PPP1R13B: variants seen among roughly 807,000 people sequenced by gnomAD.
PPP1R13B encodes apoptosis-stimulating of p53 protein 1.
A neutral mutation model predicts 119.8 loss-of-function variants in PPP1R13B; 44 were observed. That is an observed-to-expected ratio of 0.37 (90% CI 0.29 to 0.47). The LOEUF (loss-of-function observed/expected upper bound fraction) is 0.47, where lower values mean the gene tolerates loss of function less well. Ranked by LOEUF, PPP1R13B falls within the 20% of genes least tolerant of loss-of-function variation. PPP1R13B has a pLI of 0.99. For missense variants in PPP1R13B, 1,227 were observed against 1,413.5 expected, an observed-to-expected ratio of 0.87 and a Z score of 2.12; for synonymous variants, 542 against 561.5, an observed-to-expected ratio of 0.97 and a Z score of 0.49.
rs1336827024 is a variant in PPP1R13B at position 103,781,634 on chromosome 14, G to GC, written c.278-2814_278-2813insG. Among the ~76,000 whole-genome samples the GC allele has an allele frequency of 2.0e-5, 3 of 151,844 alleles. No homozygotes were observed. The East Asian group carries it at 5.8e-4, about 29-fold the overall frequency. ...ATCACTGTTAATTAACAAGTTAAAG[G>GC]TTTTTTTGTTTTGTTTTGTTTTTGT... On this transcript the variant is annotated intron_variant, in intron 3 of 16. Transcript: ENST00000202556.
chr14:103,799,239 C>T (rs1211120258), intron 1 of PPP1R13B, among the ~76,000 whole-genome samples: 1 of 151,988 alleles, frequency 6.6e-6, no homozygotes, highest in East Asian at 1.9e-4. Context: ...AGTGCAGTGG[C>T]GCAATCTCGG....
intron 9 of PPP1R13B, 126 bp downstream of exon 9, chr14:103,746,247 T>G (rs2084381587): frequency 1.9e-6 from 2 of 1,027,708 alleles, no homozygotes; most frequent in South Asian, 3.9e-5. Flanking sequence ...ACGGGGAGAC[T>G]GAGCCTGGAG....
At chr14:103,821,769 A>G (rs1271222231) in intron 1 of PPP1R13B, among the ~76,000 whole-genome samples, 1 of 151,702 alleles carries the variant, frequency 6.6e-6, no homozygotes, top group Non-Finnish European at 1.5e-5. Flanking sequence ...TAAATAAATA[A>G]AATAAATAAA....
intron 1 of PPP1R13B, among the ~76,000 whole-genome samples, chr14:103,822,296 G>C (rs770778715): frequency 2.6e-5 from 4 of 152,000 alleles, no homozygotes; most frequent in Non-Finnish European, 2.9e-5. Flanking sequence ...CACCACGCTA[G>C]GCTAATTTTT....
chr14:103,848,149 C>A (rs376765117), upstream of PPP1R13B: 1 of 786,096 alleles, frequency 1.3e-6, no homozygotes, highest in Non-Finnish European at 1.5e-6. Context: ...ACCTGCTTCT[C>A]CCCCACCGGC....
chr14:103,772,957 G>A (rs973002805), intron 4 of PPP1R13B, among the ~76,000 whole-genome samples: 2 of 152,136 alleles, frequency 1.3e-5, no homozygotes, highest in Non-Finnish European at 2.9e-5. Context: ...ATGAGCCATT[G>A]AGCTCGGCCT....
At chr14:103,789,448 T>C (rs2085559444) in intron 2 of PPP1R13B, among the ~76,000 whole-genome samples, 1 of 152,040 alleles carries the variant, frequency 6.6e-6, no homozygotes, top group African/African-American at 2.4e-5. Context: ...ACTCCTGACC[T>C]CAAGTGATCT....
chr14:103,766,616 T>C (rs2084944866), intron 4 of PPP1R13B, among the ~76,000 whole-genome samples: 1 of 152,188 alleles, frequency 6.6e-6, no homozygotes, highest in Admixed American at 6.5e-5. Context: ...TGCTTTTTTG[T>C]TTGTTTTTTT....
intron 4 of PPP1R13B, among the ~76,000 whole-genome samples, chr14:103,771,584 G>T (rs1026116639): frequency 5.4e-5 from 8 of 149,380 alleles, no homozygotes; most frequent in African/African-American, 2.0e-4. Context: ...GGGTTCAAGC[G>T]ATTCTCCTGC....
At chr14:103,775,742 C>G (rs750367755) in intron 4 of PPP1R13B, among the ~76,000 whole-genome samples, 2 of 152,124 alleles carry the variant, frequency 1.3e-5, no homozygotes, top group Non-Finnish European at 2.9e-5. Context: ...AAATTTCTAC[C>G]AGTGGTGTGT....
intron 1 of PPP1R13B, among the ~76,000 whole-genome samples, chr14:103,843,620 A>G (rs1171768007): frequency 1.3e-5 from 2 of 152,308 alleles, no homozygotes; most frequent in East Asian, 3.9e-4. Context: ...AAAAAATACT[A>G]TTTTCATAAG....
In PPP1R13B at chr14:103,808,982, C is replaced by T. The variant is rs150919752; in HGVS notation, c.10-11464G>A. Among the ~76,000 whole-genome samples the T allele has an allele frequency of 2.0e-5, 3 of 152,190 alleles. No individual in the cohort carries two copies. In the East Asian group the frequency reaches 5.8e-4, roughly 29 times the overall value. Reference sequence around the variant, plus strand: ...CTCCTAGGCTCAAGTGATCCTCCCTCGCCTCAACTTTCAAGTAGCTGAGAC... The same window carrying T: ...CTCCTAGGCTCAAGTGATCCTCCCTTGCCTCAACTTTCAAGTAGCTGAGAC... On this transcript the variant is annotated intron_variant, in intron 1 of 16. Transcript: ENST00000202556.
In PPP1R13B at chr14:103,740,509, G is replaced by C. The variant is rs373608890; in HGVS notation, c.1907C>G (p.Pro636Arg). The change falls in exon 12 of 17, where the codon CCA becomes CGA. Residue 636 changes from proline to arginine, a missense_variant. Transcript: ENST00000202556. The surrounding 1 kb of genome is among the most constrained non-coding windows in gnomAD (Gnocchi z 4.6). ...ACTTTCTGAAGGTGGCTGAGGCTGT[G>C]GTGTGCCCGTGGACAGTGACCCGTG... ...FLHGSLSTGT[P>R]QPQPPSESTE... 3 of 1,605,998 alleles carry C rather than the reference G, an allele frequency of 1.9e-6. No individual in the cohort carries two copies. The highest frequency in any genetic ancestry group is 1.7e-4 in the Middle Eastern group (1 of 6,038).
chr14:103,831,069 A>C (rs2086655241), intron 1 of PPP1R13B, among the ~76,000 whole-genome samples: 1 of 149,500 alleles, frequency 6.7e-6, no homozygotes. Context: ...TCGGCCTGCC[A>C]AGTAGCTGGG....
At chr14:103,834,964 C>T (rs1294481623) in intron 1 of PPP1R13B, among the ~76,000 whole-genome samples, 3 of 152,148 alleles carry the variant, frequency 2.0e-5, no homozygotes, top group Non-Finnish European at 4.4e-5. Context: ...TGCAATTAAC[C>T]ACCTAGCTAC....
intron 1 of PPP1R13B, chr14:103,804,046 T>C (rs2085962757): frequency 1.0e-6 from 1 of 984,596 alleles, no homozygotes; most frequent in Non-Finnish European, 1.2e-6. Flanking sequence ...CTGTGACTCA[T>C]TACCTGGTCT....
chr14:103,809,578 T>C (rs1024792427), intron 1 of PPP1R13B, among the ~76,000 whole-genome samples: 2 of 151,948 alleles, frequency 1.3e-5, no homozygotes, highest in Non-Finnish European at 1.5e-5. Flanking sequence ...GCCAGCACTT[T>C]GGGAGGTTGA....
intron 1 of PPP1R13B, among the ~76,000 whole-genome samples, chr14:103,842,301 C>CTTTTT (rs34596421): frequency 1.7e-5 from 2 of 117,972 alleles, no homozygotes; most frequent in Non-Finnish European, 3.4e-5. Context: ...AGAGTGCCTT[C>CTTTTT]TTTTTTTTTT....
intron 1 of PPP1R13B, among the ~76,000 whole-genome samples, chr14:103,826,482 C>A (rs1419906700): frequency 6.6e-6 from 1 of 152,100 alleles, no homozygotes; most frequent in Admixed American, 6.6e-5. Flanking sequence ...TACAAAGGAT[C>A]TTAGCAGTTA....
Sources: allele counts gnomAD v4.1 joint callset (sites outside exome capture counted in the v4.1 genomes callset), GRCh38; gene constraint gnomAD v4.1.1; non-coding constraint Gnocchi (gnomAD v3.1); transcripts MANE v1.5; gene names NCBI Gene and HGNC (gene_info 2026-07-23, HGNC 2026-07-21).